Variants in RNF115 observed in about 807,000 individuals in gnomAD.
The protein encoded by RNF115 is E3 ubiquitin-protein ligase RNF115.
A neutral mutation model predicts 39.2 loss-of-function variants in RNF115; 31 were observed. The ratio of observed to expected loss-of-function variants is 0.79; its 90% CI spans 0.59 to 1.07. The LOEUF (loss-of-function observed/expected upper bound fraction) is 1.07, where lower values mean the gene tolerates loss of function less well. Among genes scored for constraint, RNF115 ranks in the 50% least tolerant of loss-of-function variants. RNF115 has a pLI of 0.00. For missense variants in RNF115, 384 were observed against 381.7 expected, an observed-to-expected ratio of 1.01 and a Z score of -0.05; for synonymous variants, 124 against 131.0, an observed-to-expected ratio of 0.95 and a Z score of 0.37.
intron 4 of RNF115, among the ~76,000 whole-genome samples, chr1:145,758,408 C>G (rs948098344): frequency 1.3e-5 from 2 of 152,144 alleles, no homozygotes; most frequent in Non-Finnish European, 2.9e-5. Flanking sequence ...GTAGCCACAG[C>G]TGACATGTTG....
chr1:145,782,289 G>A (rs1384524377), intron 3 of RNF115, among the ~76,000 whole-genome samples: 1 of 152,048 alleles, frequency 6.6e-6, no homozygotes, highest in East Asian at 1.9e-4. Context: ...TTTACTTCCT[G>A]CCCCTATTTC....
intron 4 of RNF115, among the ~76,000 whole-genome samples, chr1:145,763,943 A>C (rs1571721738): frequency 9.5e-6 from 1 of 105,572 alleles, no homozygotes; most frequent in African/African-American, 3.8e-5. Flanking sequence ...CTCTCTTGCC[A>C]TGGTCTCCCT....
At chr1:145,765,182 G>A (rs1307126081) in intron 4 of RNF115, among the ~76,000 whole-genome samples, 5 of 152,076 alleles carry the variant, frequency 3.3e-5, no homozygotes, top group East Asian at 1.9e-4. Flanking sequence ...GATTAAGGGC[G>A]GTGCAAGATG....
chr1:145,800,908 G>A (rs797026551), intron 1 of RNF115, among the ~76,000 whole-genome samples: 32 of 152,324 alleles, frequency 2.1e-4, no homozygotes, highest in African/African-American at 6.7e-4. Context: ...AGTGGCTCAT[G>A]CCTGTAATCC....
intron 1 of RNF115, among the ~76,000 whole-genome samples, chr1:145,804,208 C>T (rs957960587): frequency 6.6e-6 from 1 of 152,090 alleles, no homozygotes; most frequent in Non-Finnish European, 1.5e-5. Flanking sequence ...AGAAAAATAA[C>T]CTGGGATTAA....
intron 1 of RNF115, among the ~76,000 whole-genome samples, chr1:145,809,320 G>A (rs1446203287): frequency 6.6e-6 from 1 of 151,356 alleles, no homozygotes; most frequent in Non-Finnish European, 1.5e-5. Context: ...CCAAGTAGCT[G>A]GGATTACAGG....
intron 3 of RNF115, among the ~76,000 whole-genome samples, chr1:145,784,043 A>G (rs1288014422): frequency 6.6e-6 from 1 of 152,194 alleles, no homozygotes; most frequent in Non-Finnish European, 1.5e-5. Flanking sequence ...TGGGATCTGA[A>G]AGGCAAGTAA....
At chr1:145,754,430 T>G (rs1195874187) in intron 4 of RNF115, among the ~76,000 whole-genome samples, 1 of 152,072 alleles carries the variant, frequency 6.6e-6, no homozygotes, top group Non-Finnish European at 1.5e-5. Context: ...CTCAGCTCAC[T>G]GCAACCTCCA....
chr1:145,807,635 G>A (rs1553721791), intron 1 of RNF115, among the ~76,000 whole-genome samples: 1 of 152,064 alleles, frequency 6.6e-6, no homozygotes, highest in African/African-American at 2.4e-5. Flanking sequence ...TCAAGTCAGG[G>A]CATTTAGGGC....
chr1:145,792,886 G>A (rs1553719203), intron 1 of RNF115, among the ~76,000 whole-genome samples: 2 of 152,258 alleles, frequency 1.3e-5, no homozygotes, highest in East Asian at 1.9e-4. Flanking sequence ...CATAAAGGAT[G>A]AGACACATTC....
At chr1:145,810,783 T>G (rs1649658294) in intron 1 of RNF115, among the ~76,000 whole-genome samples, 1 of 143,462 alleles carries the variant, frequency 7.0e-6, no homozygotes, top group African/African-American at 2.6e-5. Context: ...AACTGGATTT[T>G]TAAAATCTGT....
chr1:145,801,032 G>A (rs948161232), intron 1 of RNF115, among the ~76,000 whole-genome samples: 9 of 152,128 alleles, frequency 5.9e-5, no homozygotes, highest in Non-Finnish European at 1.2e-4. Context: ...TTAGCTGGGC[G>A]TGGTGTTGGG....
intron 3 of RNF115, chr1:145,773,845 G>C (rs932174372): frequency 6.6e-6 from 1 of 150,772 alleles, no homozygotes; most frequent in Admixed American, 6.6e-5. Context: ...CCTGGTGGCA[G>C]TCCTTTGGAG....
chr1:145,794,280 A>G (rs192830345), intron 1 of RNF115, among the ~76,000 whole-genome samples: 41 of 152,270 alleles, frequency 2.7e-4, no homozygotes, highest in African/African-American at 8.4e-4. Flanking sequence ...ATTATTTACA[A>G]AAACACTTAA....
rs144428509 is a variant in RNF115, at chr1:145,793,304, G to A, written c.103-4338C>T. On this transcript the variant is annotated intron_variant, in intron 1 of 8. Coordinates refer to ENST00000582693, the MANE Select transcript of RNF115 (RefSeq NM_014455.4). Reference sequence around the variant, plus strand: ...TGCACTGCAGTCTGGGTAACACAGCGAGACCCTGTATCAAAAAATAATAAC... The same window carrying A: ...TGCACTGCAGTCTGGGTAACACAGCAAGACCCTGTATCAAAAAATAATAAC... Among the ~76,000 whole-genome samples, 13 of 152,294 alleles carry A rather than the reference G, an allele frequency of 8.5e-5. No individual in the cohort carries two copies. The East Asian group carries it at 1.3e-3, about 16-fold the overall frequency.
At chr1:145,817,558 GT>G (rs1203185460) in intron 1 of RNF115, among the ~76,000 whole-genome samples, 23 of 142,456 alleles carry the variant, frequency 1.6e-4, no homozygotes, top group African/African-American at 5.7e-4. Flanking sequence ...ACTATAAATG[GT>G]TTTTAGGTTT....
At position 145,771,818 on chromosome 1, in the gene RNF115, G is replaced by T; in HGVS notation, c.321C>A (p.His107Gln). Residue 107 changes from histidine (H) to glutamine (Q), a missense_variant, in exon 4 of 9, where the codon CAC becomes CAA. His to Gln is a conservative substitution (Grantham distance 24). Transcript: ENST00000582693. ...CTCCCCAGAAGTCAGTGTGAGTCTG[G>T]TGACCCCTTTCATTGGCTCTATTAT... ...DQDNRANERG[H>Q]QTHTDFWGAR... 6.2e-6 allele frequency: 10 copies of T among 1,614,042 alleles called. No individual in the cohort carries two copies. Among genetic ancestry groups the T allele is most frequent in the Non-Finnish European group, 8.5e-6 (10 of 1,179,948 alleles).
At chr1:145,784,921 C>T (rs1553717944) in intron 2 of RNF115, among the ~76,000 whole-genome samples, 4 of 152,124 alleles carry the variant, frequency 2.6e-5, no homozygotes, top group African/African-American at 9.7e-5. Context: ...CTCAAGAACG[C>T]TAACAAAACA....
intron 1 of RNF115, among the ~76,000 whole-genome samples, chr1:145,789,188 C>T (rs1648538036): frequency 6.6e-6 from 1 of 152,088 alleles, no homozygotes; most frequent in Admixed American, 6.5e-5. Context: ...CTGCAGCCTC[C>T]ATCTCCCAGG....
Sources: gnomAD v4.1 joint callset for allele counts (sites outside exome capture counted in the v4.1 genomes callset) on GRCh38, gnomAD v4.1.1 for gene constraint, MANE v1.5 for transcripts, NCBI Gene and HGNC (gene_info 2026-07-23, HGNC 2026-07-21) for gene names.